Variants in SKAP1 observed in about 807,000 individuals in gnomAD.
SKAP1 encodes the protein src kinase-associated phosphoprotein 1.
In SKAP1, 44 loss-of-function variants were observed where a neutral mutation model predicts 58.5. The ratio of observed to expected loss-of-function variants is 0.75; its 90% CI spans 0.59 to 0.97. The LOEUF (loss-of-function observed/expected upper bound fraction) is 0.97, where lower values mean the gene tolerates loss of function less well. SKAP1 is among the 50% of genes least tolerant of loss of function. SKAP1 has a pLI of 0.00. For synonymous variants in SKAP1, 127 were observed against 149.7 expected (o/e 0.85, Z 1.11); for missense variants, 390 against 435.2 (o/e 0.90, Z 0.92).
rs562259366 is a variant in SKAP1 at position 48,398,984 on chromosome 17, G to A, written c.47-2199C>T. Among the ~76,000 whole-genome samples, 12 of 152,170 alleles carry A rather than the reference G, an allele frequency of 7.9e-5. No individual in the cohort carries two copies. In the East Asian group the frequency reaches 2.3e-3, roughly 29 times the overall value. On this transcript the variant is annotated intron_variant, in intron 1 of 12. Transcript: ENST00000336915. ...TGCAGTGAGCTGAGATTGCATCACT[G>A]CACTACAGCCTGGAGACAGAGCAAG... is the stretch of plus-strand genomic sequence containing the variant.
chr17:48,182,000 C>G (rs529645729), intron 8 of SKAP1, among the ~76,000 whole-genome samples: 3 of 152,280 alleles, frequency 2.0e-5, no homozygotes, highest in African/African-American at 7.2e-5. Flanking sequence ...CCTCCTAAGA[C>G]TAAAATAAGG....
intron 3 of SKAP1, among the ~76,000 whole-genome samples, chr17:48,353,169 A>C (rs976830539): frequency 5.9e-5 from 9 of 152,150 alleles, no homozygotes; most frequent in Admixed American, 3.3e-4. Flanking sequence ...TCAAAATATC[A>C]CTTTTTGGTA....
intron 4 of SKAP1, among the ~76,000 whole-genome samples, chr17:48,273,574 C>T (rs946274343): frequency 2.6e-5 from 4 of 151,976 alleles, no homozygotes; most frequent in Admixed American, 1.3e-4. Flanking sequence ...CCTGCCACCG[C>T]GCCTGGCTAA....
chr17:48,443,235 CA>C, the SKAP1 span, among the ~76,000 whole-genome samples: 1 of 152,166 alleles, frequency 6.6e-6, no homozygotes, highest in Non-Finnish European at 1.5e-5. Context: ...ACCTGCTATT[CA>C]AAACTCACAT....
intron 4 of SKAP1, among the ~76,000 whole-genome samples, chr17:48,309,521 G>T (rs1208141381): frequency 6.6e-6 from 1 of 152,084 alleles, no homozygotes; most frequent in Non-Finnish European, 1.5e-5. Context: ...ACAAAATCCT[G>T]CATTCACATA....
At position 48,284,370 on chromosome 17, in the gene SKAP1, A is replaced by C. The variant is rs191734985; in HGVS notation, c.280+61535T>G. On this transcript the variant is annotated intron_variant, in intron 4 of 12. Coordinates refer to ENST00000336915, the MANE Select transcript of SKAP1 (RefSeq NM_003726.4). Reference sequence around the variant, plus strand: ...AACAGACCACTCATGAGTAGTTATTAGAACATGGAGGAAAAACTGTTTGCC... The same window carrying C: ...AACAGACCACTCATGAGTAGTTATTCGAACATGGAGGAAAAACTGTTTGCC... 2.0e-5 allele frequency among the ~76,000 whole-genome samples: 3 copies of C among 152,360 alleles called. No homozygotes were observed. In the East Asian group the frequency reaches 5.8e-4, roughly 29 times the overall value.
chr17:48,135,302 G>A (rs563268671), intron 12 of SKAP1, among the ~76,000 whole-genome samples: 2 of 152,186 alleles, frequency 1.3e-5, no homozygotes, highest in East Asian at 3.9e-4. Flanking sequence ...CCTATTTCAG[G>A]CCAGAAGATG....
chr17:48,217,996 G>T (rs1022732213), intron 4 of SKAP1, among the ~76,000 whole-genome samples: 3 of 152,194 alleles, frequency 2.0e-5, no homozygotes, highest in Non-Finnish European at 4.4e-5. Context: ...ATTTGTATGA[G>T]ATATTGTTGG....
intron 3 of SKAP1, among the ~76,000 whole-genome samples, chr17:48,346,593 C>T (rs1265270413): frequency 1.3e-5 from 2 of 151,648 alleles, no homozygotes; most frequent in African/African-American, 2.4e-5. Flanking sequence ...CATTGCACTC[C>T]GGCCTGGGTG....
intron 4 of SKAP1, among the ~76,000 whole-genome samples, chr17:48,233,683 T>A (rs1334493131): frequency 2.6e-5 from 4 of 152,154 alleles, no homozygotes; most frequent in African/African-American, 7.2e-5. Flanking sequence ...TGAAACCCCA[T>A]CTGTACTAAA....
chr17:48,239,270 A>G (rs1044202751), intron 4 of SKAP1, among the ~76,000 whole-genome samples: 11 of 152,208 alleles, frequency 7.2e-5, no homozygotes, highest in Non-Finnish European at 1.3e-4. Context: ...GCCCTTCAGT[A>G]TCTCAGACCC....
chr17:48,147,491 T>G (rs992688147), intron 11 of SKAP1, among the ~76,000 whole-genome samples: 3 of 152,156 alleles, frequency 2.0e-5, no homozygotes, highest in African/African-American at 7.2e-5. Context: ...TGAAATAAAT[T>G]AAGGGCTCCA....
chr17:48,198,082 C>T (rs1202860589), intron 4 of SKAP1, among the ~76,000 whole-genome samples: 1 of 152,118 alleles, frequency 6.6e-6, no homozygotes, highest in East Asian at 1.9e-4. Flanking sequence ...TGTAATAATC[C>T]ATTGCTTCTC....
chr17:48,315,297 A>G (rs965261261), intron 4 of SKAP1, among the ~76,000 whole-genome samples: 1 of 152,222 alleles, frequency 6.6e-6, no homozygotes, highest in Non-Finnish European at 1.5e-5. Context: ...GATCCTCTAC[A>G]GTCAAGATTC....
At chr17:48,323,671 G>A (rs1037761519) in intron 4 of SKAP1, among the ~76,000 whole-genome samples, 8 of 152,088 alleles carry the variant, frequency 5.3e-5, no homozygotes, top group Non-Finnish European at 1.2e-4. Context: ...CCTAGAGGCT[G>A]GAAGAGTGAG....
chr17:48,193,327 G>A (rs2064575599), intron 4 of SKAP1, among the ~76,000 whole-genome samples: 1 of 152,158 alleles, frequency 6.6e-6, no homozygotes, highest in African/African-American at 2.4e-5. Context: ...ACAGGCATGA[G>A]CCACCGCACC....
chr17:48,162,258 G>C (rs1055653427), intron 11 of SKAP1, among the ~76,000 whole-genome samples: 1 of 152,184 alleles, frequency 6.6e-6, no homozygotes, highest in African/African-American at 2.4e-5. Flanking sequence ...GAGCCACCAC[G>C]CCCGGCCTAG....
At chr17:48,333,683 C>T (rs1015753237) in intron 4 of SKAP1, among the ~76,000 whole-genome samples, 5 of 151,964 alleles carry the variant, frequency 3.3e-5, no homozygotes, top group Admixed American at 6.6e-5. Context: ...TAGGGAATTA[C>T]ATTAAAATTT....
intron 1 of SKAP1, among the ~76,000 whole-genome samples, chr17:48,423,512 AC>A (rs2067819498): frequency 6.6e-6 from 1 of 152,180 alleles, no homozygotes; most frequent in African/African-American, 2.4e-5. Context: ...AGGACTTTAC[AC>A]ACTGTCCAGT....
Sources: allele counts gnomAD v4.1 joint callset (sites outside exome capture counted in the v4.1 genomes callset), GRCh38; gene constraint gnomAD v4.1.1; transcripts MANE v1.5; gene names NCBI Gene and HGNC (gene_info 2026-07-23, HGNC 2026-07-21).